The following NEO1 variants were observed in gnomAD, a reference collection of about 807,000 sequenced individuals.
NEO1 encodes the protein neogenin 1, also known as neogenin.
NEO1 carries 63 observed loss-of-function variants against 159.7 expected under a neutral mutation model. That is an observed-to-expected ratio of 0.39 (90% CI 0.32 to 0.49). The LOEUF is 0.49. Ranked by LOEUF, NEO1 falls within the 20% of genes least tolerant of loss-of-function variation. The pLI, the probability that NEO1 is intolerant of heterozygous loss-of-function variation, is 0.85. For synonymous variants in NEO1, 633 were observed against 662.0 expected (o/e 0.96, Z 0.67); for missense variants, 1,615 against 1,831.0 (o/e 0.88, Z 2.15).
At chr15:73,204,643 G>A (rs745567980) in intron 7 of NEO1, among the ~76,000 whole-genome samples, 11 of 151,844 alleles carry the variant, frequency 7.2e-5, no homozygotes, top group Non-Finnish European at 1.5e-4. Context: ...CTGTCTCTGT[G>A]CTTACTAGTC....
chr15:73,164,216 T>G (rs955412184), intron 5 of NEO1, among the ~76,000 whole-genome samples: 42 of 149,016 alleles, frequency 2.8e-4, no homozygotes, highest in Non-Finnish European at 5.1e-4. Flanking sequence ...ATTGGTTTTT[T>G]TTTTTTTTTT....
intron 8 of NEO1, among the ~76,000 whole-genome samples, chr15:73,240,509 C>T (rs550119620): frequency 3.3e-5 from 5 of 152,236 alleles, no homozygotes; most frequent in African/African-American, 9.6e-5. Context: ...ATAAAGTGGA[C>T]GTTTGGAGCC....
At chr15:73,215,683 C>A (rs1036687063) in intron 7 of NEO1, among the ~76,000 whole-genome samples, 1 of 152,132 alleles carries the variant, frequency 6.6e-6, no homozygotes. Context: ...ATTTGGTTAG[C>A]TAGTATTTTG....
chr15:73,125,900 A>G (rs925463671), intron 3 of NEO1, among the ~76,000 whole-genome samples: 7 of 148,940 alleles, frequency 4.7e-5, no homozygotes, highest in African/African-American at 1.7e-4. Flanking sequence ...TATCCCTGTG[A>G]GTAAGGAGAA....
intron 8 of NEO1, among the ~76,000 whole-genome samples, chr15:73,241,220 G>A (rs2039471172): frequency 6.6e-6 from 1 of 152,136 alleles, no homozygotes; most frequent in Admixed American, 6.6e-5. Flanking sequence ...TAACCATTAA[G>A]TGGGAAGTGG....
chr15:73,058,489 T>G lies in NEO1; in HGVS notation c.130+5684T>G, dbSNP rs116576662. Reference sequence around the variant, plus strand: ...CCTGTTATGGATATGGAAGTTGTTTTTACTGTTTTGCTGTGATAAAGAATG... The same window carrying G: ...CCTGTTATGGATATGGAAGTTGTTTGTACTGTTTTGCTGTGATAAAGAATG... On this transcript the variant is annotated intron_variant, in intron 1 of 28. Transcript: ENST00000261908. 6.0e-3 allele frequency among the ~76,000 whole-genome samples: 914 copies of G among 152,306 alleles called. 11 individuals carry two copies. Among genetic ancestry groups the G allele is most frequent in the African/African-American group, 0.021 (866 of 41,572 alleles).
At chr15:73,198,901 T>G (rs946806203) in intron 7 of NEO1, among the ~76,000 whole-genome samples, 6 of 151,772 alleles carry the variant, frequency 4.0e-5, no homozygotes, top group African/African-American at 7.3e-5. Flanking sequence ...TCCTACACCA[T>G]TTTCCCCTAT....
intron 22 of NEO1, among the ~76,000 whole-genome samples, chr15:73,279,593 C>T (rs371463868): frequency 2.2e-3 from 336 of 152,170 alleles, no homozygotes; most frequent in African/African-American, 7.9e-3. Context: ...AGGTGATCCG[C>T]CCACCTCGGC....
chr15:73,178,768 TTAATAC>T (rs2035430374), intron 7 of NEO1, among the ~76,000 whole-genome samples: 1 of 152,190 alleles, frequency 6.6e-6, no homozygotes, highest in Non-Finnish European at 1.5e-5. Context: ...TACACTTTTA[TTAATAC>T]ACTTACAAAA....
At chr15:73,176,830 G>A (rs1310717096) in intron 6 of NEO1, among the ~76,000 whole-genome samples, 1 of 152,166 alleles carries the variant, frequency 6.6e-6, no homozygotes, top group East Asian at 1.9e-4. Context: ...CTGAAACACA[G>A]CTGCCACCAT....
chr15:73,113,508 A>G (rs1168940220), intron 1 of NEO1, among the ~76,000 whole-genome samples: 1 of 152,180 alleles, frequency 6.6e-6, no homozygotes, highest in African/African-American at 2.4e-5. Context: ...GGGTCATTTC[A>G]AACTTCTAGG....
Position 73,274,949 on chromosome 15 carries a change from T to C in NEO1, c.3193+225T>C, listed in dbSNP as rs569174288. ...GAAGAAAACTGAACCAGTAAACTGG[T>C]CCTGCAGCTGTAGGAGATTCGTCTT... On this transcript the variant is annotated intron_variant, in intron 21 of 28. Transcript: ENST00000261908. Among the ~76,000 whole-genome samples the C allele has an allele frequency of 1.8e-4, 28 of 152,276 alleles. No individual in the cohort carries two copies. The South Asian group carries it at 5.8e-3, about 32-fold the overall frequency.
chr15:73,298,603 C>G lies in NEO1; in HGVS notation c.4157C>G (p.Ser1386Cys), dbSNP rs1426331709. The G allele has an allele frequency of 1.4e-5, 23 of 1,614,038 alleles. No homozygotes were observed. Among genetic ancestry groups the G allele is most frequent in the Non-Finnish European group, 1.9e-5 (23 of 1,180,004 alleles). ...DPALPSTPLL[S>C]QQALNHHIHS... ...GCATTGCCAAGCACACCATTACTGT[C>G]CCAGCAAGGTGAGTGAGGATGGCAG... is the stretch of plus-strand genomic sequence containing the variant. Residue 1386 changes from serine to cysteine, a missense_variant, in exon 27 of 29, where the codon TCC becomes TGC. Around this residue, in one of 3 missense-constraint regions of NEO1, gnomAD observed 471 missense variants for 498.9 expected, o/e 0.94. Transcript: ENST00000261908.
intron 5 of NEO1, among the ~76,000 whole-genome samples, chr15:73,175,811 G>A (rs2035251210): frequency 6.6e-6 from 1 of 152,082 alleles, no homozygotes; most frequent in African/African-American, 2.4e-5. Context: ...TACAGCTGTG[G>A]GGCATGTGGA....
In NEO1 at chr15:73,103,570, A is replaced by G. The variant is rs547943318; in HGVS notation, c.131-12970A>G. On this transcript the variant is annotated intron_variant, in intron 1 of 28. Coordinates refer to ENST00000261908, the MANE Select transcript of NEO1 (RefSeq NM_002499.4). The stretch of plus-strand genomic sequence containing the variant: ...TTGTACATATCCTGTCATGGCTCCT[A>G]TCACACTGTTCTGTGGTTGTGTTTG... Among the ~76,000 whole-genome samples, 255 of 152,226 alleles carry G rather than the reference A, an allele frequency of 1.7e-3. 2 individuals are homozygous for G. Among genetic ancestry groups the G allele is most frequent in the African/African-American group, 5.9e-3 (245 of 41,522 alleles).
At chr15:73,299,443 T>C (rs1191226707) in intron 27 of NEO1, among the ~76,000 whole-genome samples, 3 of 151,752 alleles carry the variant, frequency 2.0e-5, no homozygotes, top group African/African-American at 4.8e-5. Flanking sequence ...TGGAGTACAG[T>C]GGGGCAATCT....
chr15:73,286,787 C>G (rs1163716523), intron 23 of NEO1, among the ~76,000 whole-genome samples: 2 of 152,182 alleles, frequency 1.3e-5, no homozygotes, highest in Non-Finnish European at 2.9e-5. Context: ...TCCCACCTCA[C>G]CCTACATCCA....
At chr15:73,236,154 T>C in intron 7 of NEO1, 193 bp from the exon 8 acceptor site, 2 of 746,934 alleles carry the variant, frequency 2.7e-6, no homozygotes, top group Admixed American at 5.7e-5. Context: ...TGGCCTTTTT[T>C]ATGTTCATTC....
At chr15:73,125,268 A>T (rs536253672) in intron 3 of NEO1, among the ~76,000 whole-genome samples, 1 of 152,364 alleles carries the variant, frequency 6.6e-6, no homozygotes, top group African/African-American at 2.4e-5. Context: ...ACTGGTTAAG[A>T]GACAGAGGTG....
Sources: gnomAD v4.1 joint callset for allele counts (sites outside exome capture counted in the v4.1 genomes callset) on GRCh38, gnomAD v4.1.1 for gene constraint, gnomAD v4.1.1 regional missense constraint, MANE v1.5 for transcripts, NCBI Gene and HGNC (gene_info 2026-07-23, HGNC 2026-07-21) for gene names.